Variants in BABAM2 observed in about 807,000 individuals in gnomAD.
BABAM2 encodes BRISC and BRCA1 A complex member 2, also known as BRISC and BRCA1-A complex member 2.
In BABAM2, 31 loss-of-function variants were observed where a neutral mutation model predicts 54.7. That is an observed-to-expected ratio of 0.57 (90% CI 0.43 to 0.77). BABAM2 has a LOEUF of 0.77. Among genes scored for constraint, BABAM2 ranks in the 30% least tolerant of loss-of-function variants. The pLI, the probability that BABAM2 is intolerant of heterozygous loss-of-function variation, is 0.00. For synonymous variants in BABAM2, 167 were observed against 162.9 expected, an observed-to-expected ratio of 1.03 and a Z score of -0.19; for missense variants, 364 against 455.8, an observed-to-expected ratio of 0.80 and a Z score of 1.83.
intron 10 of BABAM2, among the ~76,000 whole-genome samples, chr2:28,257,646 A>G (rs555667366): frequency 1.5e-3 from 225 of 152,186 alleles, no homozygotes; most frequent in Non-Finnish European, 2.8e-3. Context: ...TGCTTTGGGA[A>G]GCTGAGGTGG....
intron 6 of BABAM2, among the ~76,000 whole-genome samples, chr2:28,100,222 G>A (rs565201347): frequency 8.5e-5 from 13 of 152,098 alleles, no homozygotes; most frequent in Admixed American, 2.0e-4. Context: ...GGCTGGGGGC[G>A]GGTGGGGATG....
At chr2:27,998,562 C>T (rs1673344015) in intron 4 of BABAM2, among the ~76,000 whole-genome samples, 1 of 151,752 alleles carries the variant, frequency 6.6e-6, no homozygotes, top group African/African-American at 2.4e-5. Context: ...GGTTTCTGTT[C>T]TTTTGATCTG....
intron 11 of BABAM2, among the ~76,000 whole-genome samples, chr2:28,333,987 G>A (rs987902657): frequency 1.3e-5 from 2 of 152,184 alleles, no homozygotes; most frequent in African/African-American, 4.8e-5. Context: ...TAAATGGGTG[G>A]GAGCCAGTTG....
At chr2:28,106,390 C>A (rs543809460) in intron 6 of BABAM2, among the ~76,000 whole-genome samples, 1 of 152,284 alleles carries the variant, frequency 6.6e-6, no homozygotes, top group South Asian at 2.1e-4. Context: ...CCTGGCATGA[C>A]CTACCATGCC....
intron 2 of BABAM2, among the ~76,000 whole-genome samples, chr2:27,898,967 A>C (rs1436294095): frequency 6.6e-6 from 1 of 152,008 alleles, no homozygotes; most frequent in Non-Finnish European, 1.5e-5. Flanking sequence ...TAAAAAAAAA[A>C]AACCAAACAA....
chr2:27,907,013 C>A (rs2148293405), intron 2 of BABAM2, among the ~76,000 whole-genome samples: 1 of 152,162 alleles, frequency 6.6e-6, no homozygotes, highest in East Asian at 1.9e-4. Flanking sequence ...TATTCTTATA[C>A]CATCACTCAT....
intron 7 of BABAM2, among the ~76,000 whole-genome samples, chr2:28,235,646 TTTTGTTTGTTTG>T (rs369010050): frequency 2.0e-5 from 3 of 151,718 alleles, no homozygotes; most frequent in South Asian, 2.1e-4. Context: ...TAAACTCTTT[TTTTGTTTGTTTG>T]TTTGTTTGTT....
In BABAM2 at chr2:27,986,981, C is replaced by G. The variant is rs556112366; in HGVS notation, c.206-1012C>G. 2.6e-5 allele frequency among the ~76,000 whole-genome samples: 4 copies of G among 152,148 alleles called. No individual in the cohort carries two copies. In the South Asian group the frequency reaches 8.3e-4, roughly 31 times the overall value. On this transcript the variant is annotated intron_variant, in intron 3 of 11. Transcript: ENST00000379624. Reference sequence around the variant, plus strand: ...GAAAAGAAACAGGTAGAAGAACTTGCAATCTAAATTTGCTAATGAGACTTT... The same window carrying G: ...GAAAAGAAACAGGTAGAAGAACTTGGAATCTAAATTTGCTAATGAGACTTT...
intron 11 of BABAM2, among the ~76,000 whole-genome samples, chr2:28,303,250 C>T (rs1423146813): frequency 6.6e-6 from 1 of 152,114 alleles, no homozygotes; most frequent in African/African-American, 2.4e-5. Context: ...TCTTTGTATA[C>T]TCAAAATTAT....
At position 28,338,464 on chromosome 2, in the gene BABAM2, C is replaced by T; in HGVS notation, c.1103C>T (p.Thr368Ile). Residue 368 changes from threonine (T) to isoleucine (I), a missense_variant, in exon 12 of 12, where the codon ACC (threonine) becomes ATC (isoleucine). By Grantham distance (89) the Thr-to-Ile change is moderately conservative. Transcript: ENST00000379624. ...MAKRAKAYFK[T>I]FVPQFQEAAF... is the part of the protein sequence containing the mutation. ...TTTCCCACCAGGGCTTATTTCAAAA[C>T]CTTTGTCCCTCAGTTCCAGGAGGCA... 2 of 1,614,144 alleles carry T rather than the reference C, an allele frequency of 1.2e-6. No homozygotes were observed. The highest frequency in any genetic ancestry group is 2.2e-5 in the South Asian group (2 of 91,084).
intron 6 of BABAM2, among the ~76,000 whole-genome samples, chr2:28,051,241 G>A (rs1036232450): frequency 6.6e-6 from 1 of 152,184 alleles, no homozygotes. Flanking sequence ...TCTCAGAAAG[G>A]CAACTATCCG....
intron 10 of BABAM2, among the ~76,000 whole-genome samples, chr2:28,261,692 C>G (rs1443449672): frequency 6.6e-6 from 1 of 152,030 alleles, no homozygotes; most frequent in East Asian, 1.9e-4. Flanking sequence ...GACAGTTTTA[C>G]TTTTTCCTTT....
At chr2:27,976,464 A>G (rs1435049565) in intron 3 of BABAM2, among the ~76,000 whole-genome samples, 1 of 152,156 alleles carries the variant, frequency 6.6e-6, no homozygotes, top group Non-Finnish European at 1.5e-5. Flanking sequence ...TCAAAAGGTT[A>G]CATACTGCAT....
At chr2:28,265,626 A>T (rs1165737039) in intron 10 of BABAM2, among the ~76,000 whole-genome samples, 1 of 152,058 alleles carries the variant, frequency 6.6e-6, no homozygotes, top group African/African-American at 2.4e-5. Context: ...ATTCATACAC[A>T]TGCATGCACA....
chr2:27,941,411 C>G (rs1194651168), intron 3 of BABAM2, among the ~76,000 whole-genome samples: 1 of 152,020 alleles, frequency 6.6e-6, no homozygotes, highest in Admixed American at 6.6e-5. Flanking sequence ...AAAAGATTAG[C>G]TGGGTGTGGT....
Position 28,122,573 on chromosome 2 carries a change from C to T in BABAM2, c.571-6698C>T, listed in dbSNP as rs367993584. On this transcript the variant is annotated intron_variant, in intron 6 of 11. Coordinates refer to ENST00000379624, the MANE Select transcript of BABAM2 (RefSeq NM_199191.3). ...CAATGGCTTTTTTACCGTCCTGTTA[C>T]GTGACCTGTGATTTGCAGTATTTCT... Among the ~76,000 whole-genome samples the T allele has an allele frequency of 9.9e-4, 151 of 152,262 alleles. 1 individual carries two copies. The South Asian group carries it at 0.028, about 29-fold the overall frequency.
At chr2:27,952,098 TC>T (rs1468826594) in intron 3 of BABAM2, among the ~76,000 whole-genome samples, 1 of 152,240 alleles carries the variant, frequency 6.6e-6, no homozygotes, top group Non-Finnish European at 1.5e-5. Context: ...TGTTATGTCC[TC>T]TTGAATTGAC....
chr2:27,956,732 G>GAGC (rs1670117179), intron 3 of BABAM2, among the ~76,000 whole-genome samples: 1 of 152,092 alleles, frequency 6.6e-6, no homozygotes, highest in Non-Finnish European at 1.5e-5. Flanking sequence ...AGGTTATATA[G>GAGC]AGCAGGTTGA....
intron 7 of BABAM2, among the ~76,000 whole-genome samples, chr2:28,162,354 A>G (rs577881699): frequency 3.9e-5 from 6 of 152,326 alleles, no homozygotes; most frequent in Admixed American, 2.6e-4. Flanking sequence ...CCAAAGTCAG[A>G]CAGACCTGGA....
Sources: gnomAD v4.1 joint callset for allele counts (sites outside exome capture counted in the v4.1 genomes callset) on GRCh38, gnomAD v4.1.1 for gene constraint, MANE v1.5 for transcripts, NCBI Gene and HGNC (gene_info 2026-07-23, HGNC 2026-07-21) for gene names.